The following SYNRG variants were observed in gnomAD, a reference collection of about 807,000 sequenced individuals.
The protein encoded by SYNRG is synergin gamma, also known as AP1 gamma subunit binding protein 1.
SYNRG carries 37 observed loss-of-function variants against 130.9 expected under a neutral mutation model. That is an observed-to-expected ratio of 0.28 (90% CI 0.22 to 0.37). SYNRG has a LOEUF of 0.37. SYNRG is among the 10% of genes least tolerant of loss of function. The probability of loss-of-function intolerance (pLI) is 1.00; values close to 1 mark genes in which losing one functional copy is unlikely to be tolerated. For missense variants in SYNRG, 1,338 were observed against 1,588.9 expected (o/e 0.84, Z 2.68); for synonymous variants, 539 against 568.1 (o/e 0.95, Z 0.73).
intron 6 of SYNRG, 134 bp downstream of exon 6, chr17:37,584,514 C>T (rs889888309): frequency 1.5e-6 from 1 of 678,106 alleles, no homozygotes; most frequent in African/African-American, 1.8e-5. Context: ...TTGAGAACAT[C>T]CAAATCTGTA....
Position 37,538,630 on chromosome 17 carries a change from C to G in SYNRG, c.3421-210G>C, listed in dbSNP as rs577741079. 3.3e-5 allele frequency among the ~76,000 whole-genome samples: 5 copies of G among 152,384 alleles called. No homozygotes were observed. The East Asian group carries it at 9.6e-4, about 29-fold the overall frequency. The stretch of plus-strand genomic sequence containing the variant: ...CTTTGTTTTGAGACGGAGTCTCGCT[C>G]TGTAGCACAGGTTGGAGTGCAGTGG... On this transcript the variant is annotated intron_variant, in intron 17 of 21. Coordinates refer to ENST00000612223, the MANE Select transcript of SYNRG (RefSeq NM_007247.6).
chr17:37,584,440 C>T (rs1335476055), intron 6 of SYNRG: 2 of 434,442 alleles, frequency 4.6e-6, no homozygotes, highest in Non-Finnish European at 8.5e-6. Flanking sequence ...AATTAGAAGA[C>T]AAAGAGGTTT....
chr17:37,572,442 GA>G (rs1249007823), intron 8 of SYNRG, among the ~76,000 whole-genome samples: 1 of 150,194 alleles, frequency 6.7e-6, no homozygotes, highest in Non-Finnish European at 1.5e-5. Context: ...AAAAAAAAAA[GA>G]AAAAAAAATT....
chr17:37,557,612 C>G (rs1225177412), intron 13 of SYNRG, among the ~76,000 whole-genome samples: 1 of 152,222 alleles, frequency 6.6e-6, no homozygotes, highest in Non-Finnish European at 1.5e-5. Context: ...GCCATGGTGG[C>G]TCACACTTGT....
At chr17:37,539,363 A>G in intron 16 of SYNRG, 118 bp from the exon 17 acceptor site, 1 of 1,079,044 alleles carries the variant, frequency 9.3e-7, no homozygotes, top group Non-Finnish European at 1.3e-6. Flanking sequence ...ACTCTAGTTC[A>G]AGCAGTTTAT....
At position 37,539,952 on chromosome 17, in the gene SYNRG, A is replaced by G. The variant is rs544849248; in HGVS notation, c.3366+428T>C. On this transcript the variant is annotated intron_variant, in intron 16 of 21. Coordinates refer to ENST00000612223, the MANE Select transcript of SYNRG (RefSeq NM_007247.6). ...ACGTGGCCCATGTGCACATGTAACAAGGAGTAGGGAAAGGTGGGAAATTAA... is the reference window on the plus strand; with the variant it reads ...ACGTGGCCCATGTGCACATGTAACAGGGAGTAGGGAAAGGTGGGAAATTAA... 2.4e-4 allele frequency among the ~76,000 whole-genome samples: 37 copies of G among 152,332 alleles called. 1 individual carries two copies. In the South Asian group the frequency reaches 5.8e-3, roughly 24 times the overall value.
At position 37,532,781 on chromosome 17, in the gene SYNRG, G is replaced by A. The variant is rs532221519; in HGVS notation, c.3666+3198C>T. On this transcript the variant is annotated intron_variant, in intron 19 of 21. Coordinates refer to ENST00000612223, the MANE Select transcript of SYNRG (RefSeq NM_007247.6). Reference sequence around the variant, plus strand: ...CCTCCCCTTTTATGAATCACTTCACGTTTTTGCTCATACGTTACTGGGATG... The same window carrying A: ...CCTCCCCTTTTATGAATCACTTCACATTTTTGCTCATACGTTACTGGGATG... 4.0e-5 allele frequency among the ~76,000 whole-genome samples: 6 copies of A among 151,180 alleles called. 1 individual carries two copies. In the South Asian group the frequency reaches 1.3e-3, roughly 32 times the overall value.
At position 37,553,922 on chromosome 17, in the gene SYNRG, G is replaced by GTA; in HGVS notation, c.1799_1800dup (p.Gln601TyrfsTer9). Reference sequence around the variant, plus strand: ...TTCACTTGTGTTTGTTGTTTCTGTTGTATAGTTCCTGAGGGGAAGGATGGT... The same window carrying GTA: ...TTCACTTGTGTTTGTTGTTTCTGTTGTATATAGTTCCTGAGGGGAAGGATGGT... On this transcript the variant is annotated frameshift_variant, in exon 14 of 22. Coordinates refer to ENST00000612223, the MANE Select transcript of SYNRG (RefSeq NM_007247.6). LOFTEE classifies it high-confidence loss of function. 6.2e-7 allele frequency: 1 copy of GTA among 1,611,392 alleles called. No individual in the cohort carries two copies. The highest frequency in any genetic ancestry group is 8.5e-7 in the Non-Finnish European group (1 of 1,179,486).
At chr17:37,519,583 T>C (rs552209446) in intron 21 of SYNRG, among the ~76,000 whole-genome samples, 1 of 152,174 alleles carries the variant, frequency 6.6e-6, no homozygotes, top group South Asian at 2.1e-4. Context: ...TAGGGTCTAA[T>C]GGCATTGACC....
intron 3 of SYNRG, among the ~76,000 whole-genome samples, chr17:37,594,017 T>G (rs1482450895): frequency 3.9e-5 from 6 of 151,968 alleles, no homozygotes; most frequent in Non-Finnish European, 8.8e-5. Flanking sequence ...AGGGACATTA[T>G]TAAGGTACTA....
intron 6 of SYNRG, chr17:37,579,297 G>T (rs1312364913): frequency 1.1e-5 from 14 of 1,303,990 alleles, no homozygotes; most frequent in Non-Finnish European, 1.3e-5. Context: ...TGGAAAGACT[G>T]AAAGGGCTGG....
intron 3 of SYNRG, among the ~76,000 whole-genome samples, chr17:37,595,676 T>C (rs2062700845): frequency 6.6e-6 from 1 of 151,444 alleles, no homozygotes; most frequent in African/African-American, 2.4e-5. Flanking sequence ...AGTAAAGTAT[T>C]AGGTAAAAAA....
At chr17:37,566,715 C>T (rs562490651) in intron 11 of SYNRG, 10 of 152,148 alleles carry the variant, frequency 6.6e-5, no homozygotes, top group South Asian at 6.2e-4. Flanking sequence ...TGCTAATATC[C>T]CATATATCTC....
Position 37,553,120 on chromosome 17 carries a change from G to A in SYNRG, c.2603C>T (p.Ala868Val). Residue 868 changes from alanine to valine, a missense_variant, in exon 14 of 22, where the codon GCT becomes GTT. Physicochemically the swap from Ala to Val is moderately conservative, Grantham distance 64 (BLOSUM62 0). Transcript: ENST00000612223. ...LPTVSGQHPP[A>V]ADIEDLKYAA... is the part of the protein sequence containing the mutation. ...CAATCTCACCAATTCCTCACCTGCAGCAGGAGGATGCTGGCCACTAACTGT... is the reference window on the plus strand; with the variant it reads ...CAATCTCACCAATTCCTCACCTGCAACAGGAGGATGCTGGCCACTAACTGT... 6.2e-7 allele frequency: 1 copy of A among 1,610,298 alleles called. No homozygotes were observed. Among genetic ancestry groups the A allele is most frequent in the Non-Finnish European group, 8.5e-7 (1 of 1,179,002 alleles).
Position 37,561,567 on chromosome 17 carries a change from G to T in SYNRG, c.1504C>A (p.Leu502Ile). Residue 502 changes from leucine (L) to isoleucine (I), a missense_variant, in exon 12 of 22, where the codon CTT becomes ATT. By Grantham distance (5) the Leu-to-Ile change is conservative. Transcript: ENST00000612223. Reference sequence around the variant, plus strand: ...GAAGGCAATGCTTTAGTTCCAGGAAGTGGCATCAACAAAGAAGGGGCACTG... The same window carrying T: ...GAAGGCAATGCTTTAGTTCCAGGAATTGGCATCAACAAAGAAGGGGCACTG... Reference protein sequence around the residue: ...GNSAPSLLMPLPGTKALPSMD... With the variant: ...GNSAPSLLMPIPGTKALPSMD... 1.9e-6 allele frequency: 3 copies of T among 1,612,646 alleles called. No individual in the cohort carries two copies. The highest frequency in any genetic ancestry group is 2.5e-6 in the Non-Finnish European group (3 of 1,178,920).
At chr17:37,568,593 C>T (rs1156765140) in intron 11 of SYNRG, 198 bp downstream of exon 11, 1 of 515,110 alleles carries the variant, frequency 1.9e-6, no homozygotes, top group African/African-American at 1.9e-5. Context: ...TTACAGGAAA[C>T]AGTAGGAGCT....
chr17:37,538,288 C>G (rs749794636), intron 18 of SYNRG, 36 bp downstream of exon 18: 1 of 1,417,326 alleles, frequency 7.1e-7, no homozygotes, highest in African/African-American at 1.5e-5. Context: ...ATGCAAAGGG[C>G]CATCATTTTC....
chr17:37,540,635 T>A (rs987673249), intron 15 of SYNRG, 92 bp from the exon 16 acceptor site: 7 of 1,243,020 alleles, frequency 5.6e-6, no homozygotes, highest in Non-Finnish European at 7.6e-6. Context: ...CTCTTCTTTT[T>A]TTTTTTTTTT....
At chr17:37,595,310 G>A (rs1288149231) in intron 3 of SYNRG, among the ~76,000 whole-genome samples, 1 of 152,158 alleles carries the variant, frequency 6.6e-6, no homozygotes, top group African/African-American at 2.4e-5. Flanking sequence ...ATATACATGT[G>A]TTACTGTATA....
Sources: gnomAD v4.1 joint callset for allele counts (sites outside exome capture counted in the v4.1 genomes callset) on GRCh38, gnomAD v4.1.1 for gene constraint, MANE v1.5 for transcripts, NCBI Gene and HGNC (gene_info 2026-07-23, HGNC 2026-07-21) for gene names.